The following EP400 variants were observed in gnomAD, a reference collection of about 807,000 sequenced individuals.
EP400 encodes E1A binding protein p400.
In EP400, 105 loss-of-function variants were observed where a neutral mutation model predicts 354.1. The observed-to-expected ratio is 0.30, with a 90% CI of 0.25 to 0.35. EP400 has a LOEUF of 0.35. EP400 is among the 10% of genes least tolerant of loss of function. The probability of loss-of-function intolerance (pLI) is 1.00; values close to 1 mark genes in which losing one functional copy is unlikely to be tolerated. For synonymous variants in EP400, 1,646 were observed against 1,716.9 expected, an observed-to-expected ratio of 0.96 and a Z score of 1.02; for missense variants, 3,280 against 4,121.0, an observed-to-expected ratio of 0.80 and a Z score of 5.59.
intron 47 of EP400, among the ~76,000 whole-genome samples, chr12:132,063,815 T>C (rs1018962736): frequency 6.6e-6 from 1 of 152,172 alleles, no homozygotes; most frequent in Non-Finnish European, 1.5e-5. Context: ...CATGGCCATA[T>C]GTGGCTGTGG....
At chr12:132,041,313 T>G (rs905985054) in intron 32 of EP400, among the ~76,000 whole-genome samples, 16 of 152,230 alleles carry the variant, frequency 1.1e-4, no homozygotes, top group African/African-American at 3.9e-4. Context: ...TTACAAAGAT[T>G]CCAGCTGGAG....
chr12:131,988,306 T>C (rs1279338348), intron 7 of EP400, among the ~76,000 whole-genome samples: 1 of 152,238 alleles, frequency 6.6e-6, no homozygotes, highest in African/African-American at 2.4e-5. Context: ...GGATCAAGCC[T>C]GTGCTCAGTG....
chr12:132,035,684 C>A (rs1372013633), intron 30 of EP400, among the ~76,000 whole-genome samples: 1 of 146,430 alleles, frequency 6.8e-6, no homozygotes, highest in Non-Finnish European at 1.5e-5. Flanking sequence ...TCACACAGAA[C>A]GTCATGGAAG....
intron 2 of EP400, among the ~76,000 whole-genome samples, chr12:131,977,191 C>T (rs748543574): frequency 6.6e-6 from 1 of 152,124 alleles, no homozygotes; most frequent in Non-Finnish European, 1.5e-5. Context: ...GGTTGGAGTG[C>T]AGTAGTGCAG....
In EP400 at chr12:132,044,867, T is replaced by C. The variant is rs749995261; in HGVS notation, c.6698T>C (p.Met2233Thr). ...DIYLDSVMCL[M>T]YEATPIPEAK... The stretch of plus-strand genomic sequence containing the variant: ...TACCTCGACTCGGTCATGTGTCTCA[T>C]GTATGAAGCCACTCCCATCCCAGAG... The change falls in exon 37 of 53, where the codon ATG (methionine) becomes ACG (threonine). Residue 2233 changes from methionine to threonine, a missense_variant. Transcript: ENST00000389561. 9.3e-6 allele frequency: 15 copies of C among 1,614,016 alleles called. No homozygotes were observed. In the Admixed American group the frequency reaches 2.5e-4, roughly 27 times the overall value.
Position 132,025,846 on chromosome 12 carries a change from T to A in EP400, c.5014+42T>A. ...AGGAGGGAGACTTGGCTTGGATGCT[T>A]CTTTCTCTTCCATCTAAGGCGAGTG... On this transcript the variant is annotated intron_variant, in intron 25 of 52. Transcript: ENST00000389561. This position sits in a 1 kb window ranked among gnomAD's most constrained non-coding sequence, Gnocchi z 4.1. The A allele has an allele frequency of 6.5e-7, 1 of 1,529,698 alleles. No homozygotes were observed. The highest frequency in any genetic ancestry group is 8.8e-7 in the Non-Finnish European group (1 of 1,141,670). 94.8% of individuals were successfully genotyped at this position (1,529,698 alleles called of 1,614,324 possible). A position where few individuals can be genotyped will look rare whatever the true frequency, so the allele number is the denominator to read the frequency against.
At chr12:132,069,782 C>A in intron 51 of EP400, 141 bp downstream of exon 51, 1 of 1,320,932 alleles carries the variant, frequency 7.6e-7, no homozygotes, top group South Asian at 1.4e-5. Context: ...GTCTCCTGGC[C>A]TCAGGTTTCA....
At chr12:131,957,169 C>T (rs1327214617) in intron 1 of EP400, among the ~76,000 whole-genome samples, 1 of 152,094 alleles carries the variant, frequency 6.6e-6, no homozygotes, top group African/African-American at 2.4e-5. Context: ...CTATGCCCAG[C>T]CTCTTTTTGT....
intron 1 of EP400, among the ~76,000 whole-genome samples, chr12:131,953,067 G>T (rs1473030395): frequency 6.6e-6 from 1 of 152,182 alleles, no homozygotes; most frequent in Non-Finnish European, 1.5e-5. Flanking sequence ...CAACAAGGGA[G>T]TGAAAATTAG....
chr12:131,950,564 C>A (rs747964948), intron 1 of EP400, among the ~76,000 whole-genome samples: 44 of 152,172 alleles, frequency 2.9e-4, no homozygotes, highest in Non-Finnish European at 5.9e-4. Context: ...CCGGAACGCG[C>A]CGCCACAGGG....
chr12:132,077,681 A>G lies in EP400; in HGVS notation c.*8A>G, dbSNP rs777978142. ...AAGCCTCCGTGCCAGTAGTCAGGGCAGCAGGGCTGCCTCTCATCTAAAGCA... is the reference window on the plus strand; with the variant it reads ...AAGCCTCCGTGCCAGTAGTCAGGGCGGCAGGGCTGCCTCTCATCTAAAGCA... On this transcript the variant is annotated 3_prime_UTR_variant, in exon 53 of 53. Transcript: ENST00000389561. The G allele has an allele frequency of 2.1e-5, 33 of 1,587,104 alleles. No individual in the cohort carries two copies. The highest frequency in any genetic ancestry group is 2.7e-5 in the Non-Finnish European group (32 of 1,166,696).
chr12:131,976,941 T>G (rs1593320035), intron 2 of EP400, among the ~76,000 whole-genome samples: 1 of 152,294 alleles, frequency 6.6e-6, no homozygotes, highest in African/African-American at 2.4e-5. Context: ...CTATGTGTCT[T>G]TAGGTTTGAG....
At position 132,021,309 on chromosome 12, in the gene EP400, G is replaced by T; in HGVS notation, c.4678G>T (p.Ala1560Ser). 6.6e-7 allele frequency: 1 copy of T among 1,519,746 alleles called. No individual in the cohort carries two copies. The highest frequency in any genetic ancestry group is 8.8e-7 in the Non-Finnish European group (1 of 1,140,508). The allele number at this position is 1,519,746 out of a possible 1,614,324, so 94.1% of individuals were successfully genotyped here. Residue 1560 changes from alanine (A) to serine (S), a missense_variant, in exon 23 of 53, where the codon GCC (alanine) becomes TCC (serine). Transcript: ENST00000389561. ...QRLVLPSQAQ[A>S]RLPSGEVVKI... is the part of the protein sequence containing the mutation. ...GCTGGTGCTCCCCTCGCAGGCCCAGGCCCGCTTGCCCAGTAAGTGGCCTCA... is the reference window on the plus strand; with the variant it reads ...GCTGGTGCTCCCCTCGCAGGCCCAGTCCCGCTTGCCCAGTAAGTGGCCTCA...
rs988970692 is a variant in EP400 at position 131,990,232 on chromosome 12, A to C, written c.2550+128A>C. On this transcript the variant is annotated intron_variant, in intron 8 of 52. Coordinates refer to ENST00000389561, the MANE Select transcript of EP400 (RefSeq NM_015409.5). This position sits in a 1 kb window ranked among gnomAD's most constrained non-coding sequence, Gnocchi z 4.2. ...GAGCACCAGAGTCAGCAACGTGTGC[A>C]CTCTCCTGGGCTGTTGCTTGTTGGC... is the stretch of plus-strand genomic sequence containing the variant. 20 of 1,115,926 alleles carry C rather than the reference A, an allele frequency of 1.8e-5. No individual in the cohort carries two copies. Among genetic ancestry groups the C allele is most frequent in the Middle Eastern group, 3.1e-4 (1 of 3,270 alleles). 69.1% of individuals were successfully genotyped at this position (1,115,926 alleles called of 1,614,324 possible).
intron 48 of EP400, chr12:132,065,253 G>A: frequency 3.6e-6 from 1 of 279,468 alleles, no homozygotes; most frequent in Non-Finnish European, 6.9e-6. Flanking sequence ...CGTAGGCATG[G>A]GCAGGTGGCG....
intron 16 of EP400, among the ~76,000 whole-genome samples, chr12:132,012,567 G>A (rs1893801607): frequency 6.6e-6 from 1 of 152,150 alleles, no homozygotes; most frequent in African/African-American, 2.4e-5. Flanking sequence ...AGTTTTGGAG[G>A]GAACACATTC....
At chr12:131,992,137 A>C in intron 10 of EP400, 36 bp from the exon 11 acceptor site, 8 of 1,598,126 alleles carry the variant, frequency 5.0e-6, no homozygotes, top group Non-Finnish European at 6.8e-6. Context: ...GAGTGTTTGG[A>C]TCTCATGCTT....
chr12:131,990,194 T>C lies in EP400; in HGVS notation c.2550+90T>C, dbSNP rs1344923949. ...CGAGACCAGAGCTCGGGCACCTTGCTTAGGAAGCTTTCGAGCACCAGAGTC... is the reference window on the plus strand; with the variant it reads ...CGAGACCAGAGCTCGGGCACCTTGCCTAGGAAGCTTTCGAGCACCAGAGTC... On this transcript the variant is annotated intron_variant, in intron 8 of 52. Coordinates refer to ENST00000389561, the MANE Select transcript of EP400 (RefSeq NM_015409.5). The surrounding 1 kb of genome is among the most constrained non-coding windows in gnomAD (Gnocchi z 4.2). 1.3e-6 allele frequency: 2 copies of C among 1,481,918 alleles called. No individual in the cohort carries two copies. The highest frequency in any genetic ancestry group is 1.8e-6 in the Non-Finnish European group (2 of 1,106,918). 91.8% of individuals were successfully genotyped at this position (1,481,918 alleles called of 1,614,324 possible).
intron 1 of EP400, among the ~76,000 whole-genome samples, chr12:131,958,958 G>C (rs912724971): frequency 6.6e-6 from 1 of 152,230 alleles, no homozygotes; most frequent in African/African-American, 2.4e-5. Context: ...CCTGATAGCT[G>C]TCCAGCCAGG....
Sources: gnomAD v4.1 joint callset for allele counts (sites outside exome capture counted in the v4.1 genomes callset) on GRCh38, gnomAD v4.1.1 for gene constraint, Gnocchi (gnomAD v3.1) non-coding constraint, MANE v1.5 for transcripts, NCBI Gene and HGNC (gene_info 2026-07-23, HGNC 2026-07-21) for gene names.